The following BRMS1L variants were observed in gnomAD, a reference collection of about 807,000 sequenced individuals.
BRMS1L encodes the protein breast cancer metastasis-suppressor 1-like protein.
In BRMS1L, 23 loss-of-function variants were observed where a neutral mutation model predicts 50.3. The ratio of observed to expected loss-of-function variants is 0.46; its 90% CI spans 0.33 to 0.65. BRMS1L has a LOEUF of 0.65. Among genes scored for constraint, BRMS1L ranks in the 30% least tolerant of loss-of-function variants. BRMS1L has a pLI of 0.02. For missense variants in BRMS1L, 286 were observed against 386.1 expected (o/e 0.74, Z 2.17); for synonymous variants, 114 against 126.9 (o/e 0.90, Z 0.69).
At chr14:35,842,856 C>T (rs1270396608) in intron 4 of BRMS1L, among the ~76,000 whole-genome samples, 1 of 152,168 alleles carries the variant, frequency 6.6e-6, no homozygotes, top group East Asian at 1.9e-4. Context: ...TCCCATATTC[C>T]TTGGAGGGTT....
chr14:35,854,360 T>C (rs2078252540), intron 4 of BRMS1L, among the ~76,000 whole-genome samples: 1 of 152,176 alleles, frequency 6.6e-6, no homozygotes, highest in Non-Finnish European at 1.5e-5. Context: ...TCTTAAAGTT[T>C]TTAGGATCTT....
At chr14:35,828,814 A>C (rs2077881212) in intron 1 of BRMS1L, among the ~76,000 whole-genome samples, 1 of 152,176 alleles carries the variant, frequency 6.6e-6, no homozygotes, top group Non-Finnish European at 1.5e-5. Flanking sequence ...GACAAATGGA[A>C]ATGTGACATT....
chr14:35,834,891 T>G lies in BRMS1L; in HGVS notation c.409T>G (p.Cys137Gly). 1.3e-6 allele frequency: 2 copies of G among 1,598,078 alleles called. No individual in the cohort carries two copies. The highest frequency in any genetic ancestry group is 1.7e-5 in the Admixed American group (1 of 57,680). Residue 137 changes from cysteine (C) to glycine (G), a missense_variant, in exon 4 of 10, where the codon TGT (cysteine) becomes GGT (glycine). Physicochemically the swap from Cys to Gly is radical, Grantham distance 159. Transcript: ENST00000216807. ...CLESVKNKYE[C>G]EIQASRQHCE... ...AGAATCTGTAAAGAACAAATATGAATGTGAAATTCAAGCTTCTCGCCAGCA... is the reference window on the plus strand; with the variant it reads ...AGAATCTGTAAAGAACAAATATGAAGGTGAAATTCAAGCTTCTCGCCAGCA...
chr14:35,858,779 TGA>T (rs2078313584), intron 4 of BRMS1L: 1 of 152,096 alleles, frequency 6.6e-6, no homozygotes, highest in South Asian at 2.1e-4. Context: ...AGAACCCATG[TGA>T]GAACATGGGC....
At chr14:35,833,248 A>C (rs2077948484) in intron 3 of BRMS1L, 143 bp downstream of exon 3, 2 of 794,070 alleles carry the variant, frequency 2.5e-6, no homozygotes, top group South Asian at 5.0e-5. Context: ...TAGTTAGCCC[A>C]CAGTTACTGT....
At chr14:35,844,533 C>A (rs2078108470) in intron 4 of BRMS1L, among the ~76,000 whole-genome samples, 1 of 152,220 alleles carries the variant, frequency 6.6e-6, no homozygotes, top group South Asian at 2.1e-4. Flanking sequence ...TTTAACCAGT[C>A]TCAGTGAGAT....
chr14:35,844,261 G>T (rs1251209755), intron 4 of BRMS1L, among the ~76,000 whole-genome samples: 1 of 152,178 alleles, frequency 6.6e-6, no homozygotes, highest in African/African-American at 2.4e-5. Context: ...AGCTAGCCCG[G>T]TGTCTGCCCA....
At chr14:35,851,383 CA>C (rs35957897) in intron 4 of BRMS1L, among the ~76,000 whole-genome samples, 993 of 83,834 alleles carry the variant, frequency 0.012, 6 homozygotes, top group African/African-American at 0.036. Flanking sequence ...AAAAGCATGC[CA>C]AAAAAAAAAA....
intron 1 of BRMS1L, chr14:35,829,827 G>T: frequency 8.0e-7 from 1 of 1,257,358 alleles, no homozygotes; most frequent in Non-Finnish European, 1.0e-6. Flanking sequence ...TCAAGATGCA[G>T]ATCATTTTGT....
chr14:35,837,653 C>A (rs769346776), intron 4 of BRMS1L, among the ~76,000 whole-genome samples: 2 of 151,974 alleles, frequency 1.3e-5, no homozygotes, highest in Non-Finnish European at 2.9e-5. Flanking sequence ...CGAGTTCAAG[C>A]GATTCTCCTG....
At chr14:35,858,011 A>G (rs1486745611) in intron 4 of BRMS1L, among the ~76,000 whole-genome samples, 1 of 150,218 alleles carries the variant, frequency 6.7e-6, no homozygotes, top group African/African-American at 2.5e-5. Flanking sequence ...ACTCAAGAAA[A>G]GTAAAAAAAA....
chr14:35,870,555 C>G lies in BRMS1L; in HGVS notation c.*78C>G, dbSNP rs1047082603. 9.9e-6 allele frequency: 8 copies of G among 810,752 alleles called. No homozygotes were observed. The Admixed American group carries it at 1.8e-4, about 18-fold the overall frequency. 50.2% of individuals were successfully genotyped at this position (810,752 alleles called of 1,614,324 possible). Reference sequence around the variant, plus strand: ...TGCCATGAGAGTAAAAAAATGTATTCAATAACTTAATATTCTCACTGAATC... The same window carrying G: ...TGCCATGAGAGTAAAAAAATGTATTGAATAACTTAATATTCTCACTGAATC... On this transcript the variant is annotated 3_prime_UTR_variant, in exon 10 of 10. Coordinates refer to ENST00000216807, the MANE Select transcript of BRMS1L (RefSeq NM_032352.4).
intron 4 of BRMS1L, among the ~76,000 whole-genome samples, chr14:35,859,599 G>A (rs570854733): frequency 3.9e-5 from 6 of 151,998 alleles, no homozygotes; most frequent in South Asian, 4.2e-4. Context: ...GTCTTTTTTC[G>A]TTCATTGTGC....
intron 8 of BRMS1L, among the ~76,000 whole-genome samples, chr14:35,866,687 G>A (rs59693034): frequency 0.022 from 3,380 of 152,156 alleles, 132 homozygotes; most frequent in South Asian, 0.14. Context: ...AACAGAGCAG[G>A]ATTCCATCTC....
At chr14:35,832,121 A>C (rs1044874590) in intron 2 of BRMS1L, among the ~76,000 whole-genome samples, 1 of 152,090 alleles carries the variant, frequency 6.6e-6, no homozygotes, top group African/African-American at 2.4e-5. Context: ...TGGCTTCTTC[A>C]TTTGTAGTTG....
intron 1 of BRMS1L, chr14:35,829,737 G>T: frequency 1.4e-6 from 1 of 733,128 alleles, no homozygotes; most frequent in Non-Finnish European, 1.9e-6. Context: ...AGAAAAAAAT[G>T]AGTCAGCCTT....
At chr14:35,829,760 A>C (rs181085866) in intron 1 of BRMS1L, 1 of 994,712 alleles carries the variant, frequency 1.0e-6, no homozygotes, top group Non-Finnish European at 1.3e-6. Flanking sequence ...ATGTTATATA[A>C]AAATAATTGA....
chr14:35,841,418 C>T (rs1457112610), intron 4 of BRMS1L, among the ~76,000 whole-genome samples: 1 of 152,002 alleles, frequency 6.6e-6, no homozygotes, highest in Non-Finnish European at 1.5e-5. Flanking sequence ...CCTGCCTCAG[C>T]CTCCCGAGTA....
At chr14:35,863,778 A>T in intron 5 of BRMS1L, 92 bp from the exon 6 acceptor site, 1 of 1,147,822 alleles carries the variant, frequency 8.7e-7, no homozygotes, top group South Asian at 1.4e-5. Flanking sequence ...ACGTTTTTAC[A>T]TGTAACTAAA....
Sources: allele counts gnomAD v4.1 joint callset (sites outside exome capture counted in the v4.1 genomes callset), GRCh38; gene constraint gnomAD v4.1.1; transcripts MANE v1.5; gene names NCBI Gene and HGNC (gene_info 2026-07-23, HGNC 2026-07-21).